The following STXBP5 variants were observed in gnomAD, a reference collection of about 807,000 sequenced individuals.
STXBP5 encodes syntaxin binding protein 5.
STXBP5 carries 50 observed loss-of-function variants against 152.4 expected under a neutral mutation model. The ratio of observed to expected loss-of-function variants is 0.33; its 90% CI spans 0.26 to 0.42. STXBP5 has a LOEUF of 0.42. Among genes scored for constraint, STXBP5 ranks in the 10% least tolerant of loss-of-function variants. STXBP5 has a pLI of 1.00. For missense variants in STXBP5, 1,167 were observed against 1,388.6 expected (o/e 0.84, Z 2.54); for synonymous variants, 492 against 494.7 (o/e 0.99, Z 0.07).
intron 9 of STXBP5, among the ~76,000 whole-genome samples, chr6:147,298,904 A>T (rs1562470807): frequency 6.6e-6 from 1 of 152,004 alleles, no homozygotes; most frequent in Non-Finnish European, 1.5e-5. Context: ...ACAACCTAAC[A>T]TTGCACCTCA....
intron 17 of STXBP5, 96 bp from the exon 18 acceptor site, chr6:147,327,029 A>C (rs773649035): frequency 8.8e-7 from 1 of 1,133,798 alleles, no homozygotes; most frequent in African/African-American, 1.6e-5. Context: ...TTTCTGAAAG[A>C]CCCACCATGC....
chr6:147,213,169 T>C (rs1776947523), intron 2 of STXBP5, among the ~76,000 whole-genome samples: 1 of 152,116 alleles, frequency 6.6e-6, no homozygotes, highest in Non-Finnish European at 1.5e-5. Flanking sequence ...AACTGGACTA[T>C]AGGTTTGAGT....
At chr6:147,232,970 A>G (rs916668595) in intron 2 of STXBP5, among the ~76,000 whole-genome samples, 2 of 151,764 alleles carry the variant, frequency 1.3e-5, no homozygotes, top group African/African-American at 4.8e-5. Context: ...TGAAGTTTCA[A>G]CACCAGTAAA....
intron 21 of STXBP5, among the ~76,000 whole-genome samples, chr6:147,344,414 G>A (rs980991550): frequency 6.6e-6 from 1 of 152,254 alleles, no homozygotes; most frequent in Admixed American, 6.5e-5. Context: ...GGCAATTTAT[G>A]TTCTGTCATT....
intron 9 of STXBP5, among the ~76,000 whole-genome samples, chr6:147,301,656 T>G (rs1582912155): frequency 1.3e-5 from 2 of 152,326 alleles, no homozygotes; most frequent in East Asian, 3.9e-4. Context: ...TCTCCCAGTC[T>G]TAATCCCCAA....
rs772197732 is a variant in STXBP5, at chr6:147,313,864, T to C, written c.1146-20T>C. ...TAATTCATTAAATTAATAAATACTT[T>C]TCTTTTTCTGTTGTTAAAGATATCC... On this transcript the variant is annotated intron_variant, in intron 11 of 27. Coordinates refer to ENST00000321680, the MANE Select transcript of STXBP5 (RefSeq NM_001127715.4). 6.9e-7 allele frequency: 1 copy of C among 1,454,342 alleles called. No homozygotes were observed. Among genetic ancestry groups the C allele is most frequent in the Non-Finnish European group, 9.4e-7 (1 of 1,068,290 alleles). The allele number at this position is 1,454,342 out of a possible 1,614,324, so 90.1% of individuals were successfully genotyped here.
Position 147,340,713 on chromosome 6 carries a change from T to C in STXBP5, c.2254+1329T>C, listed in dbSNP as rs146006236. ...TTTTAAAAACAATTTTTCTGTCTTA[T>C]ATTTTGTGCTGGGGTTCTATTTATT... On this transcript the variant is annotated intron_variant, in intron 21 of 27. Coordinates refer to ENST00000321680, the MANE Select transcript of STXBP5 (RefSeq NM_001127715.4). Among the ~76,000 whole-genome samples, 881 of 152,214 alleles carry C rather than the reference T, an allele frequency of 5.8e-3. 4 individuals carry two copies. Among genetic ancestry groups the C allele is most frequent in the African/African-American group, 0.019 (787 of 41,584 alleles).
chr6:147,373,277 A>T (rs982120783), intron 25 of STXBP5, among the ~76,000 whole-genome samples: 3 of 151,330 alleles, frequency 2.0e-5, no homozygotes, highest in African/African-American at 7.3e-5. Flanking sequence ...AGACACAAGA[A>T]TCACTTGAAC....
At chr6:147,250,140 C>T (rs1779010650) in intron 4 of STXBP5, among the ~76,000 whole-genome samples, 1 of 152,104 alleles carries the variant, frequency 6.6e-6, no homozygotes, top group Admixed American at 6.5e-5. Context: ...AACTCAGCTG[C>T]AAATAAGTGG....
chr6:147,210,137 G>C (rs1482173013), intron 2 of STXBP5, among the ~76,000 whole-genome samples: 7 of 152,078 alleles, frequency 4.6e-5, no homozygotes. Flanking sequence ...TCCAAAACAG[G>C]GGTGGCAGAA....
At position 147,365,183 on chromosome 6, in the gene STXBP5, C is replaced by T. The variant is rs143076421; in HGVS notation, c.3081+1017C>T. On this transcript the variant is annotated intron_variant, in intron 25 of 27. Transcript: ENST00000321680. ...AGCTATACTATACTGGAAACCTAGT[C>T]CTGAGTAGTATTGTAAACTTTGAGA... is the stretch of plus-strand genomic sequence containing the variant. 2.0e-5 allele frequency among the ~76,000 whole-genome samples: 3 copies of T among 152,216 alleles called. No individual in the cohort carries two copies. In the East Asian group the frequency reaches 5.8e-4, roughly 29 times the overall value.
At chr6:147,208,182 CTG>C (rs1365813086) in intron 2 of STXBP5, among the ~76,000 whole-genome samples, 1 of 152,040 alleles carries the variant, frequency 6.6e-6, no homozygotes, top group East Asian at 1.9e-4. Flanking sequence ...GTATGGAAAA[CTG>C]TTTACTAAAT....
In STXBP5 at chr6:147,267,311, TCA is replaced by T. The variant is rs1246719931; in HGVS notation, c.714+149_714+150del. 8.2e-6 allele frequency: 5 copies of T among 607,038 alleles called. No individual in the cohort carries two copies. The African/African-American group carries it at 9.6e-5, about 12-fold the overall frequency. 37.6% of individuals were successfully genotyped at this position (607,038 alleles called of 1,614,324 possible). On this transcript the variant is annotated intron_variant, in intron 7 of 27. Transcript: ENST00000321680. ...TTATTTTTTACAATAGATAATATGT[TCA>T]CACAATTCAAAAGATAACAAAAATC...
At position 147,363,799 on chromosome 6, in the gene STXBP5, A is replaced by G. The variant is rs1039975281; in HGVS notation, c.2915+95A>G. On this transcript the variant is annotated intron_variant, in intron 24 of 27. Transcript: ENST00000321680. ...TAAAAGAAATGCTTTTTGTGTGTGT[A>G]TAGTCTTATACTCTGAGAATTTATT... 1.0e-4 allele frequency: 151 copies of G among 1,485,586 alleles called. No individual in the cohort carries two copies. In the East Asian group the frequency reaches 3.4e-3, roughly 33 times the overall value. The allele number at this position is 1,485,586 out of a possible 1,614,324, so 92.0% of individuals were successfully genotyped here.
intron 21 of STXBP5, among the ~76,000 whole-genome samples, chr6:147,346,671 C>T (rs375528585): frequency 1.3e-4 from 19 of 151,726 alleles, no homozygotes; most frequent in East Asian, 7.7e-4. Flanking sequence ...ACCCAGGCGG[C>T]GGAGGTTGCA....
chr6:147,283,883 T>G (rs981730107), intron 8 of STXBP5, among the ~76,000 whole-genome samples: 1 of 152,174 alleles, frequency 6.6e-6, no homozygotes, highest in Non-Finnish European at 1.5e-5. Context: ...CAGACTAGTA[T>G]TATTAGCAAT....
At chr6:147,272,924 C>G (rs982418562) in intron 7 of STXBP5, among the ~76,000 whole-genome samples, 2 of 151,948 alleles carry the variant, frequency 1.3e-5, no homozygotes, top group Non-Finnish European at 2.9e-5. Context: ...CTGGTTGTGT[C>G]TCAATGATAG....
chr6:147,302,294 A>G (rs1167652839), intron 9 of STXBP5, among the ~76,000 whole-genome samples: 1 of 152,156 alleles, frequency 6.6e-6, no homozygotes, highest in Non-Finnish European at 1.5e-5. Context: ...ATAAACAAGT[A>G]GAAAAGAGGG....
chr6:147,276,134 G>A (rs1452799191), intron 7 of STXBP5, among the ~76,000 whole-genome samples: 2 of 152,078 alleles, frequency 1.3e-5, no homozygotes, highest in African/African-American at 2.4e-5. Context: ...AGTATAAATT[G>A]TATGTTTTAT....
Sources: gnomAD v4.1 joint callset for allele counts (sites outside exome capture counted in the v4.1 genomes callset) on GRCh38, gnomAD v4.1.1 for gene constraint, MANE v1.5 for transcripts, NCBI Gene and HGNC (gene_info 2026-07-23, HGNC 2026-07-21) for gene names.